HFM1: variants seen among roughly 807,000 people sequenced by gnomAD.
The protein encoded by HFM1 is helicase for meiosis 1.
HFM1 carries 169 observed loss-of-function variants against 192.1 expected under a neutral mutation model. The observed-to-expected ratio is 0.88, with a 90% CI of 0.78 to 1.00. The LOEUF (loss-of-function observed/expected upper bound fraction) is 1.00, where lower values mean the gene tolerates loss of function less well. Among genes scored for constraint, HFM1 ranks in the 50% least tolerant of loss-of-function variants. The pLI, the probability that HFM1 is intolerant of heterozygous loss-of-function variation, is 0.00. For synonymous variants in HFM1, 525 were observed against 537.8 expected, an observed-to-expected ratio of 0.98 and a Z score of 0.33; for missense variants, 1,661 against 1,668.0, an observed-to-expected ratio of 1.00 and a Z score of 0.07.
At chr1:91,396,432 T>C (rs1298970791) in intron 2 of HFM1, 27 bp from the exon 3 acceptor site, 1 of 1,137,430 alleles carries the variant, frequency 8.8e-7, no homozygotes, top group Non-Finnish European at 1.3e-6. Context: ...AATGTGAGTA[T>C]ATATGTTAAT....
chr1:91,390,765 T>C (rs143903137), intron 4 of HFM1, among the ~76,000 whole-genome samples: 1,925 of 152,208 alleles, frequency 0.013, 43 homozygotes, highest in African/African-American at 0.042. Flanking sequence ...GGCAATCAGG[T>C]AGGAGAAAGA....
chr1:91,339,113 C>T lies in HFM1; in HGVS notation c.2335+4317G>A, dbSNP rs1654996451. ...TCAAGGAATATAAAAGAAAAAGCCC[C>T]ATCTGAAGGACAGCAACTTCAAATA... On this transcript the variant is annotated intron_variant, in intron 20 of 38. Coordinates refer to ENST00000370425, the MANE Select transcript of HFM1 (RefSeq NM_001017975.6). 9.2e-6 allele frequency: 4 copies of T among 436,086 alleles called. No individual in the cohort carries two copies. The Admixed American group carries it at 1.0e-4, about 11-fold the overall frequency. 27.0% of individuals were successfully genotyped at this position (436,086 alleles called of 1,614,324 possible).
chr1:91,392,585 G>A (rs528129905), intron 4 of HFM1, among the ~76,000 whole-genome samples: 3 of 152,198 alleles, frequency 2.0e-5, no homozygotes, highest in South Asian at 2.1e-4. Context: ...ATCACACACC[G>A]GGGCCTGTCA....
chr1:91,281,103 C>T (rs1026302010), intron 30 of HFM1, among the ~76,000 whole-genome samples: 3 of 152,048 alleles, frequency 2.0e-5, no homozygotes, highest in South Asian at 2.1e-4. Context: ...ATATGGAGAA[C>T]AGATTTGAGA....
chr1:91,324,332 C>T (rs1054118279), intron 21 of HFM1, among the ~76,000 whole-genome samples: 1 of 152,210 alleles, frequency 6.6e-6, no homozygotes, highest in Non-Finnish European at 1.5e-5. Context: ...ATATATCACA[C>T]CACATCATCT....
At chr1:91,356,248 T>C (rs897324367) in intron 13 of HFM1, among the ~76,000 whole-genome samples, 2 of 151,896 alleles carry the variant, frequency 1.3e-5, no homozygotes, top group African/African-American at 4.8e-5. Context: ...AGAGGAATTT[T>C]TTTTTTTTTT....
chr1:91,299,253 A>C (rs1474027248), intron 30 of HFM1, among the ~76,000 whole-genome samples: 1 of 152,166 alleles, frequency 6.6e-6, no homozygotes, highest in African/African-American at 2.4e-5. Context: ...ATATATATGC[A>C]CCCAATACAG....
At chr1:91,314,160 T>A in intron 28 of HFM1, 100 bp from the exon 29 acceptor site, 1 of 637,430 alleles carries the variant, frequency 1.6e-6, no homozygotes, top group Non-Finnish European at 2.6e-6. Flanking sequence ...TCTCTAGTAG[T>A]AAACTGAAAT....
chr1:91,335,384 T>C (rs1654428363), intron 20 of HFM1, among the ~76,000 whole-genome samples: 1 of 152,138 alleles, frequency 6.6e-6, no homozygotes, highest in South Asian at 2.1e-4. Context: ...CTCTTCCTGA[T>C]AGAGAAAATG....
At position 91,262,546 on chromosome 1, in the gene HFM1, C is replaced by A; in HGVS notation, c.4021G>T (p.Ala1341Ser). Residue 1341 changes from alanine to serine, a missense_variant, in exon 37 of 39, where the codon GCT (alanine) becomes TCT (serine). Ala to Ser is a moderately conservative substitution (Grantham distance 99). Coordinates refer to ENST00000370425, the MANE Select transcript of HFM1 (RefSeq NM_001017975.6). ...EMSDISLSNS[A>S]MPKFSASSMT... ...GAGGATGCACTGAACTTGGGCATAG[C>A]AGAATTTGATAAAGAAATATCCGAC... 1 of 1,606,710 alleles carries A rather than the reference C, an allele frequency of 6.2e-7. No homozygotes were observed. Among genetic ancestry groups the A allele is most frequent in the Non-Finnish European group, 8.5e-7 (1 of 1,175,388 alleles).
rs1450300308 is a variant in HFM1, at chr1:91,401,047, T to C, written c.36A>G (p.Glu12=). The C allele has an allele frequency of 1.9e-6, 3 of 1,556,172 alleles. No homozygotes were observed. The highest frequency in any genetic ancestry group is 2.6e-6 in the Non-Finnish European group (3 of 1,155,242). Residue 12 remains glutamate (E), a synonymous_variant, in exon 2 of 39, where the codon GAA becomes GAG. Transcript: ENST00000370425. ...CATCTGGTTTTTCAAAAAACAAATTTTCCAAAGAAAACAGGCAATCATTTG... is the reference window on the plus strand; with the variant it reads ...CATCTGGTTTTTCAAAAAACAAATTCTCCAAAGAAAACAGGCAATCATTTG... The part of the protein sequence containing the change: ...LKSNDCLFSL[E]NLFFEKPDEV...
chr1:91,326,593 C>T (rs528864435), intron 20 of HFM1, among the ~76,000 whole-genome samples: 41 of 152,270 alleles, frequency 2.7e-4, no homozygotes, highest in African/African-American at 8.2e-4. Flanking sequence ...CAACACCAGA[C>T]GTGTCCTCTA....
intron 18 of HFM1, among the ~76,000 whole-genome samples, chr1:91,348,527 G>A (rs568125677): frequency 9.4e-4 from 143 of 152,188 alleles, no homozygotes; most frequent in Non-Finnish European, 1.7e-3. Flanking sequence ...TGCATTGTTC[G>A]TAAGAGCAAA....
At chr1:91,286,214 TTTTAACAGCACAGATTAG>T (rs1295316679) in intron 30 of HFM1, among the ~76,000 whole-genome samples, 1 of 152,230 alleles carries the variant, frequency 6.6e-6, no homozygotes, top group Non-Finnish European at 1.5e-5. Context: ...TTATCTTGAC[TTTTAACAGCACAGATTAG>T]TATATTAGTT....
At chr1:91,368,886 A>G (rs1010140686) in intron 13 of HFM1, among the ~76,000 whole-genome samples, 1 of 152,238 alleles carries the variant, frequency 6.6e-6, no homozygotes, top group Non-Finnish European at 1.5e-5. Flanking sequence ...TATGCTCAAA[A>G]TAAAGGGATG....
Position 91,334,592 on chromosome 1 carries a change from G to A in HFM1, c.2335+8838C>T, listed in dbSNP as rs147589037. 2.9e-3 allele frequency among the ~76,000 whole-genome samples: 436 copies of A among 152,216 alleles called. 1 individual carries two copies. The highest frequency in any genetic ancestry group is 0.019 in the East Asian group (101 of 5,184). On this transcript the variant is annotated intron_variant, in intron 20 of 38. Coordinates refer to ENST00000370425, the MANE Select transcript of HFM1 (RefSeq NM_001017975.6). ...AGATTGGTTGTGGGTAGGAGTATGG[G>A]AGAAATGGGGGTAACTAACTGATGA...
chr1:91,280,753 T>C (rs1375283894), intron 30 of HFM1, among the ~76,000 whole-genome samples: 5 of 152,216 alleles, frequency 3.3e-5, no homozygotes, highest in Admixed American at 6.5e-5. Flanking sequence ...ACTCATGTTG[T>C]CTGTCATCTG....
intron 20 of HFM1, among the ~76,000 whole-genome samples, chr1:91,338,685 G>C (rs1031490646): frequency 6.6e-6 from 1 of 152,106 alleles, no homozygotes; most frequent in South Asian, 2.1e-4. Context: ...CATGGTGCAC[G>C]GACCTTGTCA....
intron 30 of HFM1, among the ~76,000 whole-genome samples, chr1:91,293,385 A>G (rs1356225280): frequency 2.6e-5 from 4 of 152,152 alleles, no homozygotes; most frequent in East Asian, 1.9e-4. Flanking sequence ...AAAAGTGGGC[A>G]AAGGACATGA....
Sources: allele counts gnomAD v4.1 joint callset (sites outside exome capture counted in the v4.1 genomes callset), GRCh38; gene constraint gnomAD v4.1.1; transcripts MANE v1.5; gene names NCBI Gene and HGNC (gene_info 2026-07-23, HGNC 2026-07-21).